Variants in DST observed in about 807,000 individuals in gnomAD.
DST encodes the protein bullous pemphigoid antigen.
A neutral mutation model predicts 875.2 loss-of-function variants in DST; 253 were observed. The ratio of observed to expected loss-of-function variants is 0.29; its 90% CI spans 0.26 to 0.32. The LOEUF is 0.32. Among genes scored for constraint, DST ranks in the 10% least tolerant of loss-of-function variants. The probability of loss-of-function intolerance (pLI) is 1.00; values close to 1 mark genes in which losing one functional copy is unlikely to be tolerated. For missense variants in DST, 8,287 were observed against 9,111.6 expected (o/e 0.91, Z 3.68); for synonymous variants, 3,124 against 3,197.1 (o/e 0.98, Z 0.77).
At chr6:56,642,157 G>C (rs1246857191) in intron 16 of DST, 56 bp from the exon 17 acceptor site, 3 of 1,409,500 alleles carry the variant, frequency 2.1e-6, no homozygotes, top group Non-Finnish European at 2.0e-6. Context: ...AAAACAACCT[G>C]AAATATAAAA....
At chr6:56,896,139 G>A (rs1310227382) in intron 3 of DST, among the ~76,000 whole-genome samples, 3 of 69,042 alleles carry the variant, frequency 4.3e-5, no homozygotes, top group Admixed American at 1.2e-4. Context: ...GGGAGAGGGA[G>A]ACGGGAGAGC....
In DST at chr6:56,605,949, G is replaced by GC. The variant is rs1280164844; in HGVS notation, c.8678dup (p.Ser2893ArgfsTer9). 6.2e-7 allele frequency: 1 copy of GC among 1,612,526 alleles called. No homozygotes were observed. Among genetic ancestry groups the GC allele is most frequent in the Non-Finnish European group, 8.5e-7 (1 of 1,179,350 alleles). ...TCTCAGTTGTATATTCTGGAAGGTT[G>GC]CTTTTTTCAGTAACTAAGTTATTTT... On this transcript the variant is annotated frameshift_variant, in exon 40 of 104. Transcript: ENST00000680361. LOFTEE classifies it high-confidence loss of function.
chr6:56,877,091 T>C (rs1779927440), intron 3 of DST, among the ~76,000 whole-genome samples: 2 of 152,240 alleles, frequency 1.3e-5, no homozygotes, highest in African/African-American at 4.8e-5. Context: ...AAAAAACATT[T>C]GGCCTAAAAG....
chr6:56,567,480 AC>A (rs2097699791), intron 55 of DST, among the ~76,000 whole-genome samples: 2 of 151,954 alleles, frequency 1.3e-5, no homozygotes, highest in African/African-American at 4.8e-5. Context: ...AACAAAAAAA[AC>A]ACTTGATATT....
rs1211457303 is a variant in DST, at chr6:56,562,192, C to T, written c.14014G>A (p.Val4672Ile). The T allele has an allele frequency of 2.6e-6, 4 of 1,541,046 alleles. No individual in the cohort carries two copies. The African/African-American group carries it at 4.1e-5, about 16-fold the overall frequency. Residue 4672 changes from valine to isoleucine, a missense_variant, in exon 56 of 104, where the codon GTA becomes ATA. Coordinates refer to ENST00000680361, the MANE Select transcript of DST (RefSeq NM_001374736.1). ...AIAAVKSGGA[V>I]LNGEGTATNT... ...GTGGCTGTTCCTTCACCATTTAATA[C>T]TGCTCCACCTGCAAAAATAGTAACA...
chr6:56,465,410 C>G (rs946495914), intron 99 of DST, among the ~76,000 whole-genome samples: 2 of 151,772 alleles, frequency 1.3e-5, no homozygotes, highest in African/African-American at 4.8e-5. Context: ...GTAATTGGTA[C>G]CTAATTAGAA....
chr6:56,837,974 T>C (rs562265832), intron 4 of DST, among the ~76,000 whole-genome samples: 2 of 139,658 alleles, frequency 1.4e-5, no homozygotes, highest in East Asian at 1.9e-4. Flanking sequence ...ACTGAAACAA[T>C]GACATACTTC....
intron 61 of DST, among the ~76,000 whole-genome samples, chr6:56,544,045 T>C (rs2097182632): frequency 6.6e-6 from 1 of 152,164 alleles, no homozygotes; most frequent in South Asian, 2.1e-4. Context: ...TCAATGCCAA[T>C]TTTTCATGTT....
chr6:56,564,907 G>A (rs1171019730), intron 55 of DST, among the ~76,000 whole-genome samples: 1 of 152,122 alleles, frequency 6.6e-6, no homozygotes, highest in Non-Finnish European at 1.5e-5. Context: ...GCTTCCCAGG[G>A]ATAAAGCCGA....
At chr6:56,499,566 G>A (rs912961945) in intron 80 of DST, among the ~76,000 whole-genome samples, 4 of 152,012 alleles carry the variant, frequency 2.6e-5, no homozygotes, top group Non-Finnish European at 4.4e-5. Context: ...GGAAACATTC[G>A]CCCCTTCCTC....
rs566968594 is a variant in DST at position 56,831,471 on chromosome 6, T to C, written c.625+19926A>G. 1.5e-3 allele frequency among the ~76,000 whole-genome samples: 221 copies of C among 152,018 alleles called. 1 individual carries two copies. Among genetic ancestry groups the C allele is most frequent in the Non-Finnish European group, 1.4e-3 (97 of 67,982 alleles). On this transcript the variant is annotated intron_variant, in intron 4 of 103. Transcript: ENST00000680361. ...ATCCACCCACACATAACACAAAGCC[T>C]CTCCCTTCCCCAGCTCCCACTGAAA...
chr6:56,805,300 G>A (rs1208752466), intron 4 of DST, among the ~76,000 whole-genome samples: 2 of 151,958 alleles, frequency 1.3e-5, no homozygotes, highest in East Asian at 3.9e-4. Flanking sequence ...TAAAATACAA[G>A]GTCTTTGGAA....
chr6:56,618,049 T>A lies in DST; in HGVS notation c.4930-3565A>T. The A allele has an allele frequency of 3.7e-6, 6 of 1,614,198 alleles. 1 individual carries two copies. Among genetic ancestry groups the A allele is most frequent in the South Asian group, 1.1e-5 (1 of 91,078 alleles). ...ATGCGTTATCTTGATACCTAACAGG[T>A]GGTCTAGAATTGTTCAGGGCTTGGT... On this transcript the variant is annotated intron_variant, in intron 36 of 103. Transcript: ENST00000680361.
chr6:56,501,825 A>C, intron 78 of DST, 132 bp from the exon 79 acceptor site: 1 of 567,518 alleles, frequency 1.8e-6, no homozygotes, highest in Non-Finnish European at 2.9e-6. Flanking sequence ...TAAAAATCTC[A>C]CATGAGGCTT....
chr6:56,600,979 A>G (rs1379767392), intron 44 of DST, among the ~76,000 whole-genome samples: 2 of 152,050 alleles, frequency 1.3e-5, no homozygotes, highest in African/African-American at 2.4e-5. Flanking sequence ...CAATCTACCA[A>G]TGATTAAACT....
At chr6:56,806,649 G>T (rs922818844) in intron 4 of DST, among the ~76,000 whole-genome samples, 1 of 152,192 alleles carries the variant, frequency 6.6e-6, no homozygotes, top group South Asian at 2.1e-4. Flanking sequence ...TGCTGGGCAA[G>T]AATAACTATT....
chr6:56,740,158 G>T (rs968081262), intron 4 of DST, among the ~76,000 whole-genome samples: 1 of 152,142 alleles, frequency 6.6e-6, no homozygotes, highest in African/African-American at 2.4e-5. Flanking sequence ...GTGAGCCACC[G>T]CACCTGGCCT....
intron 3 of DST, among the ~76,000 whole-genome samples, chr6:56,896,866 C>T (rs1791581542): frequency 6.6e-6 from 1 of 152,128 alleles, no homozygotes; most frequent in South Asian, 2.1e-4. Flanking sequence ...GGATATTAGT[C>T]CTTTGTCAGA....
chr6:56,937,850 C>A (rs564802129), intron 2 of DST, among the ~76,000 whole-genome samples: 1 of 152,178 alleles, frequency 6.6e-6, no homozygotes, highest in Admixed American at 6.5e-5. Flanking sequence ...ATACATACTA[C>A]AACATGGACA....
Sources: allele counts gnomAD v4.1 joint callset (sites outside exome capture counted in the v4.1 genomes callset), GRCh38; gene constraint gnomAD v4.1.1; transcripts MANE v1.5; gene names NCBI Gene and HGNC (gene_info 2026-07-23, HGNC 2026-07-21).